Variants in CDH13 observed in about 807,000 individuals in gnomAD.
CDH13 encodes cadherin-13.
In CDH13, 24 loss-of-function variants were observed where a neutral mutation model predicts 63.8. The observed-to-expected ratio is 0.38, with a 90% CI of 0.27 to 0.53. The LOEUF is 0.53. Ranked by LOEUF, CDH13 falls within the 20% of genes least tolerant of loss-of-function variation. The pLI, the probability that CDH13 is intolerant of heterozygous loss-of-function variation, is 0.85. For synonymous variants in CDH13, 503 were observed against 355.3 expected (o/e 1.42, Z -4.67); for missense variants, 1,049 against 903.1 (o/e 1.16, Z -2.07).
At position 83,123,244 on chromosome 16, in the gene CDH13, G is replaced by A. The variant is rs991507218; in HGVS notation, c.367-2141G>A. On this transcript the variant is annotated intron_variant, in intron 3 of 13. Transcript: ENST00000567109. ...TACGTATAGATATATTTACATATAT[G>A]TATAGATACAAATATATATATATAT... Among the ~76,000 whole-genome samples, 3 of 151,286 alleles carry A rather than the reference G, an allele frequency of 2.0e-5. No homozygotes were observed. The East Asian group carries it at 5.8e-4, about 29-fold the overall frequency.
chr16:82,980,786 C>T (rs542742637), intron 2 of CDH13, among the ~76,000 whole-genome samples: 1 of 152,278 alleles, frequency 6.6e-6, no homozygotes, highest in South Asian at 2.1e-4. Flanking sequence ...CTCTGGTCCT[C>T]ATTTTTCAAC....
At chr16:83,391,213 T>TG (rs2091779605) in intron 6 of CDH13, among the ~76,000 whole-genome samples, 1 of 151,186 alleles carries the variant, frequency 6.6e-6, no homozygotes, top group Non-Finnish European at 1.5e-5. Flanking sequence ...CTACACACTT[T>TG]TTTTTTTTTT....
At chr16:82,704,779 C>T (rs1220779905) in intron 1 of CDH13, among the ~76,000 whole-genome samples, 1 of 152,172 alleles carries the variant, frequency 6.6e-6, no homozygotes, top group Admixed American at 6.5e-5. Context: ...TTTCCCCAAG[C>T]CTCAGTTTCC....
intron 6 of CDH13, among the ~76,000 whole-genome samples, chr16:83,457,648 G>A (rs561503383): frequency 1.8e-4 from 28 of 152,164 alleles, no homozygotes; most frequent in Middle Eastern, 3.4e-3. Context: ...CTGCTTTAGA[G>A]AGATGAGTTC....
chr16:82,651,011 G>A (rs1305292437), intron 1 of CDH13, among the ~76,000 whole-genome samples: 1 of 152,166 alleles, frequency 6.6e-6, no homozygotes, highest in Non-Finnish European at 1.5e-5. Flanking sequence ...TACCTGTCAT[G>A]TGGTTTTTGG....
At chr16:83,019,108 T>TA (rs1249094412) in intron 2 of CDH13, among the ~76,000 whole-genome samples, 2 of 152,250 alleles carry the variant, frequency 1.3e-5, no homozygotes, top group East Asian at 3.8e-4. Context: ...TAGCTTACTG[T>TA]AACTTTTTTA....
At chr16:83,664,980 C>T (rs1040654251) in intron 8 of CDH13, among the ~76,000 whole-genome samples, 2 of 152,162 alleles carry the variant, frequency 1.3e-5, no homozygotes, top group East Asian at 1.9e-4. Context: ...ACAGACACAA[C>T]AAATATTTAT....
intron 5 of CDH13, among the ~76,000 whole-genome samples, chr16:83,313,505 T>A (rs1411503032): frequency 2.6e-5 from 4 of 152,142 alleles, no homozygotes; most frequent in African/African-American, 7.2e-5. Context: ...CAATATAAGA[T>A]TCAGCCAAAT....
At chr16:83,201,822 C>A (rs1385138241) in intron 4 of CDH13, among the ~76,000 whole-genome samples, 1 of 151,758 alleles carries the variant, frequency 6.6e-6, no homozygotes, top group Non-Finnish European at 1.5e-5. Flanking sequence ...GAGGCTGAGA[C>A]AAGAATGGCG....
chr16:83,691,197 C>T (rs1322567943), intron 10 of CDH13, among the ~76,000 whole-genome samples: 1 of 152,100 alleles, frequency 6.6e-6, no homozygotes, highest in Non-Finnish European at 1.5e-5. Flanking sequence ...GGGCACATCT[C>T]TGAGCTTTGC....
chr16:83,653,316 G>T (rs1362895779), intron 8 of CDH13, among the ~76,000 whole-genome samples: 2 of 152,150 alleles, frequency 1.3e-5, no homozygotes, highest in Non-Finnish European at 2.9e-5. Context: ...GAATCATAGC[G>T]CAATAAAACT....
chr16:82,706,278 A>G (rs1191885634), intron 1 of CDH13, among the ~76,000 whole-genome samples: 1 of 152,206 alleles, frequency 6.6e-6, no homozygotes, highest in African/African-American at 2.4e-5. Flanking sequence ...CCGTTACATG[A>G]TGAGTAACAC....
At chr16:83,363,255 T>C (rs1027670126) in intron 6 of CDH13, among the ~76,000 whole-genome samples, 2 of 152,252 alleles carry the variant, frequency 1.3e-5, no homozygotes, top group Admixed American at 6.5e-5. Context: ...TTGTGCTTCA[T>C]TGACTTGATA....
At chr16:83,779,767 A>T (rs1014758750) in intron 11 of CDH13, among the ~76,000 whole-genome samples, 4 of 152,216 alleles carry the variant, frequency 2.6e-5, no homozygotes, top group African/African-American at 9.6e-5. Flanking sequence ...CTGAGGTGGT[A>T]GGATTGCTTG....
At chr16:83,511,074 A>ATT (rs67635680) in intron 7 of CDH13, among the ~76,000 whole-genome samples, 6 of 21,652 alleles carry the variant, frequency 2.8e-4, no homozygotes, top group Admixed American at 4.7e-4. Context: ...ACGCACACAC[A>ATT]TGCACGCATG....
intron 1 of CDH13, among the ~76,000 whole-genome samples, chr16:82,738,191 T>C (rs1204246184): frequency 6.6e-6 from 1 of 152,186 alleles, no homozygotes; most frequent in Non-Finnish European, 1.5e-5. Flanking sequence ...AAGAATATGA[T>C]GGGTGCTTTG....
At chr16:82,929,544 C>T (rs1010075673) in intron 2 of CDH13, among the ~76,000 whole-genome samples, 5 of 148,100 alleles carry the variant, frequency 3.4e-5, no homozygotes, top group Admixed American at 6.9e-5. Flanking sequence ...CCCAGCGACT[C>T]GGGAGGCTGA....
At chr16:83,353,070 G>A in intron 6 of CDH13, among the ~76,000 whole-genome samples, 1 of 152,186 alleles carries the variant, frequency 6.6e-6, no homozygotes, top group Non-Finnish European at 1.5e-5. Flanking sequence ...AGACTCAGAA[G>A]GGTGGAAGCG....
intron 11 of CDH13, among the ~76,000 whole-genome samples, chr16:83,770,135 C>T (rs537731315): frequency 4.4e-4 from 67 of 152,240 alleles, no homozygotes; most frequent in African/African-American, 1.5e-3. Flanking sequence ...GAGAACCACG[C>T]GTGGCTCATG....
Sources: gnomAD v4.1 joint callset for allele counts (sites outside exome capture counted in the v4.1 genomes callset) on GRCh38, gnomAD v4.1.1 for gene constraint, MANE v1.5 for transcripts, NCBI Gene and HGNC (gene_info 2026-07-23, HGNC 2026-07-21) for gene names.